RGR: variants seen among roughly 807,000 people sequenced by gnomAD.
RGR encodes the protein retinal G protein coupled receptor.
RGR carries 30 observed loss-of-function variants against 28.6 expected under a neutral mutation model. That is an observed-to-expected ratio of 1.05 (90% CI 0.78 to 1.42). The LOEUF (loss-of-function observed/expected upper bound fraction) is 1.42. Among genes scored for constraint, RGR ranks in the 40% most tolerant of loss-of-function variants. The pLI, the probability that RGR is intolerant of heterozygous loss-of-function variation, is 0.00. For synonymous variants in RGR, 180 were observed against 156.4 expected (o/e 1.15, Z -1.13); for missense variants, 404 against 375.6 (o/e 1.08, Z -0.62).
chr10:84,253,240 G>T (rs1325039914), intron 4 of RGR, among the ~76,000 whole-genome samples: 1 of 152,134 alleles, frequency 6.6e-6, no homozygotes, highest in Non-Finnish European at 1.5e-5. Context: ...GGGACCCAGA[G>T]TTGAACCCAA....
intron 3 of RGR, among the ~76,000 whole-genome samples, chr10:84,249,831 T>A (rs1842793648): frequency 6.6e-6 from 1 of 152,176 alleles, no homozygotes; most frequent in Admixed American, 6.5e-5. Flanking sequence ...TCAAATACCA[T>A]CTTCATAATT....
intron 1 of RGR, among the ~76,000 whole-genome samples, chr10:84,247,317 C>T (rs1464985526): frequency 6.6e-6 from 1 of 152,178 alleles, no homozygotes; most frequent in Non-Finnish European, 1.5e-5. Flanking sequence ...GTCTCTGAGC[C>T]TCAGTTTCCC....
Position 84,258,413 on chromosome 10 carries a change from A to T in RGR, c.745-95A>T. 3 of 1,592,592 alleles carry T rather than the reference A, an allele frequency of 1.9e-6. No individual in the cohort carries two copies. In the South Asian group the frequency reaches 3.3e-5, roughly 18 times the overall value. ...AAGGCTGCAGAACTAAATGATTGGC[A>T]GTTGTAGGTGGAGGGTGACCGGGGT... On this transcript the variant is annotated intron_variant, in intron 6 of 6. Transcript: ENST00000652092.
chr10:84,257,090 A>G (rs1842897857), intron 5 of RGR, among the ~76,000 whole-genome samples: 1 of 152,224 alleles, frequency 6.6e-6, no homozygotes, highest in Non-Finnish European at 1.5e-5. Context: ...TTCCAGCTTA[A>G]TCACCCTCTT....
chr10:84,255,343 C>G (rs899267007), intron 5 of RGR: 20 of 152,314 alleles, frequency 1.3e-4, no homozygotes, highest in Admixed American at 1.2e-3. Flanking sequence ...GACCAGGGCT[C>G]CCTACTGGAC....
At chr10:84,251,261 A>G (rs1261035147) in intron 3 of RGR, among the ~76,000 whole-genome samples, 2 of 152,192 alleles carry the variant, frequency 1.3e-5, no homozygotes, top group East Asian at 3.9e-4. Flanking sequence ...AAAGACAGGA[A>G]GAACTGACAT....
intron 4 of RGR, among the ~76,000 whole-genome samples, chr10:84,253,649 T>C (rs1842847384): frequency 6.6e-6 from 1 of 152,222 alleles, no homozygotes; most frequent in African/African-American, 2.4e-5. Context: ...ATTCATCTGC[T>C]TTACCCATGG....
At chr10:84,245,478 A>G (rs2132874648) in intron 1 of RGR, among the ~76,000 whole-genome samples, 1 of 152,284 alleles carries the variant, frequency 6.6e-6, no homozygotes, top group South Asian at 2.1e-4. Flanking sequence ...ATGTCCCTCC[A>G]GCCGGGAGAA....
intron 4 of RGR, among the ~76,000 whole-genome samples, chr10:84,253,308 G>A (rs1032788265): frequency 3.9e-5 from 6 of 152,138 alleles, no homozygotes; most frequent in Non-Finnish European, 4.4e-5. Flanking sequence ...TCACCAAGCC[G>A]CACCACCTCT....
chr10:84,250,925 AAAGAAGAAG>A (rs756292946), intron 3 of RGR: 1 of 148,248 alleles, frequency 6.7e-6, no homozygotes, highest in Non-Finnish European at 1.5e-5. Flanking sequence ...AAAAAAAAAA[AAAGAAGAAG>A]AAGAAGAAGA....
rs1842916960 is a variant in RGR at position 84,258,555 on chromosome 10, C to T, written c.792C>T (p.Asn264=). The T allele has an allele frequency of 1.2e-6, 2 of 1,614,230 alleles. No homozygotes were observed. Among genetic ancestry groups the T allele is most frequent in the Non-Finnish European group, 1.7e-6 (2 of 1,180,046 alleles). Residue 264 remains asparagine, a synonymous_variant, in exon 7 of 7, where the codon AAC becomes AAT. Coordinates refer to ENST00000652092, the MANE Select transcript of RGR (RefSeq NM_001012720.2). ...AKMVPTINAI[N]YALGNEMVCR... is the part of the protein sequence containing the mutation. The stretch of plus-strand genomic sequence containing the variant: ...TGGTGCCCACGATCAATGCCATCAA[C>T]TATGCCCTGGGCAATGAGATGGTCT...
In RGR at chr10:84,252,975, G is replaced by T; in HGVS notation, c.477G>T (p.Gly159=). ...GWGHYDYEPL[G]TCCTLDYSKG... is the part of the protein sequence containing the mutation. ...GTCACTACGACTATGAGCCACTGGGGACATGCTGCACCCTGGACTACTCCA... is the reference window on the plus strand; with the variant it reads ...GTCACTACGACTATGAGCCACTGGGTACATGCTGCACCCTGGACTACTCCA... The change falls in exon 4 of 7, where the codon GGG becomes GGT. Residue 159 remains glycine (G), a synonymous_variant. Coordinates refer to ENST00000652092, the MANE Select transcript of RGR (RefSeq NM_001012720.2). 1 of 1,613,962 alleles carries T rather than the reference G, an allele frequency of 6.2e-7. No homozygotes were observed. Among genetic ancestry groups the T allele is most frequent in the Non-Finnish European group, 8.5e-7 (1 of 1,180,036 alleles).
At chr10:84,256,724 T>C (rs1353276534) in intron 5 of RGR, among the ~76,000 whole-genome samples, 1 of 152,158 alleles carries the variant, frequency 6.6e-6, no homozygotes. Flanking sequence ...TCCCAAGCCC[T>C]GTCTGGAGGT....
At chr10:84,258,359 A>G in intron 6 of RGR, 149 bp from the exon 7 acceptor site, 5 of 1,313,748 alleles carry the variant, frequency 3.8e-6, no homozygotes, top group Non-Finnish European at 5.4e-6. Context: ...TGAGCCATGC[A>G]TCTCCACCAA....
chr10:84,248,764 C>G (rs1408164756), intron 2 of RGR, 158 bp from the exon 3 acceptor site: 3 of 1,354,932 alleles, frequency 2.2e-6, no homozygotes, highest in Non-Finnish European at 3.1e-6. Flanking sequence ...AGCCCAGTTA[C>G]TTGAGCTCCA....
intron 3 of RGR, among the ~76,000 whole-genome samples, chr10:84,250,176 C>T (rs1842797524): frequency 6.6e-6 from 1 of 152,190 alleles, no homozygotes; most frequent in Non-Finnish European, 1.5e-5. Context: ...AGAGCCAGCA[C>T]TGGGCATGAC....
chr10:84,258,012 G>C lies in RGR; in HGVS notation c.744+6G>C, dbSNP rs759337376. On this transcript the variant is annotated splice_donor_region_variant and intron_variant, in intron 6 of 6. Coordinates refer to ENST00000652092, the MANE Select transcript of RGR (RefSeq NM_001012720.2). Reference sequence around the variant, plus strand: ...TCTCCCCCAAACTGCAGATGGTACAGATACTTCTAGTACCTAAAACTAGAC... The same window carrying C: ...TCTCCCCCAAACTGCAGATGGTACACATACTTCTAGTACCTAAAACTAGAC... 2 of 1,605,090 alleles carry C rather than the reference G, an allele frequency of 1.2e-6. No homozygotes were observed. The highest frequency in any genetic ancestry group is 2.2e-5 in the South Asian group (2 of 90,886).
At chr10:84,255,092 A>C in intron 5 of RGR, 1 of 158,414 alleles carries the variant, frequency 6.3e-6, no homozygotes, top group Non-Finnish European at 1.4e-5. Flanking sequence ...TCCCTCTGCT[A>C]TTCTCCTGCC....
In RGR at chr10:84,247,516, T is replaced by C. The variant is rs1842761084; in HGVS notation, c.80-75T>C. On this transcript the variant is annotated intron_variant, in intron 1 of 6. Transcript: ENST00000652092. ...TGTCCAGGAGGTTGCTGATGTTCCA[T>C]CCACCCCACACACACTGTTCTGACC... 3.9e-6 allele frequency: 6 copies of C among 1,555,064 alleles called. No individual in the cohort carries two copies. The South Asian group carries it at 6.7e-5, about 17-fold the overall frequency.
Sources: allele counts gnomAD v4.1 joint callset (sites outside exome capture counted in the v4.1 genomes callset), GRCh38; gene constraint gnomAD v4.1.1; transcripts MANE v1.5; gene names NCBI Gene and HGNC (gene_info 2026-07-23, HGNC 2026-07-21).